Variants in FRMPD1 observed in about 807,000 individuals in gnomAD.
FRMPD1 encodes the protein FERM and PDZ domain-containing protein 1.
In FRMPD1, 76 loss-of-function variants were observed where a neutral mutation model predicts 117.8. That is an observed-to-expected ratio of 0.65 (90% CI 0.54 to 0.78). FRMPD1 has a LOEUF of 0.78. FRMPD1 is among the 30% of genes least tolerant of loss of function. The pLI is 0.00. For missense variants in FRMPD1, 1,786 were observed against 1,964.5 expected, an observed-to-expected ratio of 0.91 and a Z score of 1.72; for synonymous variants, 783 against 770.4, an observed-to-expected ratio of 1.02 and a Z score of -0.27.
intron 6 of FRMPD1, among the ~76,000 whole-genome samples, chr9:37,721,629 C>T (rs1017755170): frequency 3.3e-5 from 5 of 151,972 alleles, no homozygotes; most frequent in African/African-American, 1.2e-4. Flanking sequence ...TAAAAAATGA[C>T]CCAGAGATTG....
chr9:37,647,378 G>GGC, upstream of FRMPD1, among the ~76,000 whole-genome samples: 1 of 151,996 alleles, frequency 6.6e-6, no homozygotes, highest in African/African-American at 2.4e-5. Flanking sequence ...CGGGCGGGGT[G>GGC]GCGGGCACCT....
chr9:37,678,590 C>A (rs1359023767), intron 1 of FRMPD1, among the ~76,000 whole-genome samples: 1 of 152,068 alleles, frequency 6.6e-6, no homozygotes, highest in Non-Finnish European at 1.5e-5. Context: ...GTCTTAATTT[C>A]CTTTTTTGTT....
At chr9:37,610,922 G>A in the FRMPD1 span, among the ~76,000 whole-genome samples, 15 of 152,168 alleles carry the variant, frequency 9.9e-5, no homozygotes, top group African/African-American at 2.2e-4. Flanking sequence ...TTTAAACAAA[G>A]ATACATTGTA....
the FRMPD1 span, among the ~76,000 whole-genome samples, chr9:37,621,704 C>A: frequency 6.6e-6 from 1 of 152,120 alleles, no homozygotes; most frequent in African/African-American, 2.4e-5. Flanking sequence ...TTTGTTCAGG[C>A]AAAGAATGCT....
chr9:37,744,476 G>A lies in FRMPD1; in HGVS notation c.2444G>A (p.Cys815Tyr), dbSNP rs1324046330. 6.2e-7 allele frequency: 1 copy of A among 1,614,152 alleles called. No homozygotes were observed. The highest frequency in any genetic ancestry group is 2.2e-5 in the East Asian group (1 of 44,872). Reference protein sequence around the residue: ...STSSPENSLPCGPDGRQPSRR... With the variant: ...STSSPENSLPYGPDGRQPSRR... ...TCTAGCCCTGAGAACAGCCTGCCTT[G>A]TGGGCCAGATGGAAGACAGCCAAGC... is the stretch of plus-strand genomic sequence containing the variant. The change falls in exon 16 of 16, where the codon TGT becomes TAT. Residue 815 changes from cysteine to tyrosine, a missense_variant. Physicochemically the swap from Cys to Tyr is radical, Grantham distance 194. Coordinates refer to ENST00000377765, the MANE Select transcript of FRMPD1 (RefSeq NM_014907.3).
the FRMPD1 span, among the ~76,000 whole-genome samples, chr9:37,632,937 A>T: frequency 1.4e-5 from 2 of 147,486 alleles, no homozygotes; most frequent in Admixed American, 6.8e-5. Context: ...TTTTTCTTTT[A>T]TATATATAAA....
chr9:37,746,061 C>T lies in FRMPD1; in HGVS notation c.4029C>T (p.Cys1343=). ...QCSCQFSYAT[C]FRGPQPETEE... The stretch of plus-strand genomic sequence containing the variant: ...GCTGTCAGTTCTCCTATGCCACATG[C>T]TTCCGTGGCCCGCAGCCTGAGACAG... Residue 1343 remains cysteine (C), a synonymous_variant, in exon 16 of 16, where the codon TGC becomes TGT. Coordinates refer to ENST00000377765, the MANE Select transcript of FRMPD1 (RefSeq NM_014907.3). The T allele has an allele frequency of 6.2e-7, 1 of 1,614,192 alleles. No homozygotes were observed. The highest frequency in any genetic ancestry group is 8.5e-7 in the Non-Finnish European group (1 of 1,179,998).
chr9:37,638,014 TTCTTTCTTTCTC>T, the FRMPD1 span, among the ~76,000 whole-genome samples: 5 of 119,538 alleles, frequency 4.2e-5, 1 homozygote, highest in South Asian at 5.7e-4. Flanking sequence ...CTTTCTTTCT[TTCTTTCTTTCTC>T]TCTCTTTCTT....
chr9:37,714,754 C>T (rs1328555537), intron 5 of FRMPD1, among the ~76,000 whole-genome samples: 1 of 152,004 alleles, frequency 6.6e-6, no homozygotes, highest in African/African-American at 2.4e-5. Context: ...TCAAGCAATT[C>T]TCCCACCTCA....
chr9:37,742,353 T>C (rs896838418), intron 15 of FRMPD1, among the ~76,000 whole-genome samples: 2 of 152,244 alleles, frequency 1.3e-5, no homozygotes, highest in African/African-American at 4.8e-5. Context: ...TATGGGAGTC[T>C]AGTCAGGAAC....
At chr9:37,666,207 GTCT>G (rs941069068) in intron 1 of FRMPD1, among the ~76,000 whole-genome samples, 3 of 152,078 alleles carry the variant, frequency 2.0e-5, no homozygotes, top group African/African-American at 7.2e-5. Context: ...TTTTTTGGGT[GTCT>G]TCTTCACAGT....
intron 1 of FRMPD1, among the ~76,000 whole-genome samples, chr9:37,681,846 T>C (rs1408617080): frequency 6.6e-6 from 1 of 152,188 alleles, no homozygotes; most frequent in Non-Finnish European, 1.5e-5. Flanking sequence ...GAGTTTACAA[T>C]CTGAGGGACA....
chr9:37,685,238 T>C (rs1055590550), intron 1 of FRMPD1, among the ~76,000 whole-genome samples: 7 of 152,246 alleles, frequency 4.6e-5, no homozygotes, highest in African/African-American at 1.2e-4. Context: ...GATGATTCTT[T>C]AATCTTTGCA....
intron 1 of FRMPD1, among the ~76,000 whole-genome samples, chr9:37,689,415 T>G (rs1822056702): frequency 6.6e-6 from 1 of 152,170 alleles, no homozygotes; most frequent in Admixed American, 6.6e-5. Context: ...ATGTACTTAT[T>G]GCTAATTCTC....
At chr9:37,674,826 C>G (rs1588917219) in intron 1 of FRMPD1, among the ~76,000 whole-genome samples, 1 of 152,138 alleles carries the variant, frequency 6.6e-6, no homozygotes, top group Non-Finnish European at 1.5e-5. Flanking sequence ...ATTCAGTTGC[C>G]TCTCCCTGGG....
rs754644002 is a variant in FRMPD1, at chr9:37,746,761, G to T, written c.4729G>T (p.Ala1577Ser). The change falls in exon 16 of 16, where the codon GCC becomes TCC. Residue 1577 changes from alanine (A) to serine (S), a missense_variant. Ala to Ser is a moderately conservative substitution (Grantham distance 99, BLOSUM62 1). Transcript: ENST00000377765. ...CLTQKFRAST[A>S]L ...GACCCAGAAGTTCCGGGCATCCACGGCCCTGTAAACAGGTCAACGGCCCAA... is the reference window on the plus strand; with the variant it reads ...GACCCAGAAGTTCCGGGCATCCACGTCCCTGTAAACAGGTCAACGGCCCAA... The T allele has an allele frequency of 9.9e-6, 16 of 1,613,580 alleles. No homozygotes were observed. In the South Asian group the frequency reaches 1.3e-4, roughly 13 times the overall value.
chr9:37,638,325 G>A, the FRMPD1 span, among the ~76,000 whole-genome samples: 3 of 151,978 alleles, frequency 2.0e-5, no homozygotes, highest in Non-Finnish European at 2.9e-5. Context: ...TGCCCGCTTC[G>A]GCCTTCCAAA....
chr9:37,740,128 T>C lies in FRMPD1; in HGVS notation c.1600T>C (p.Cys534Arg). The C allele has an allele frequency of 6.2e-7, 1 of 1,613,704 alleles. No homozygotes were observed. Residue 534 changes from cysteine (C) to arginine (R), a missense_variant, in exon 15 of 16, where the codon TGC (cysteine) becomes CGC (arginine). Coordinates refer to ENST00000377765, the MANE Select transcript of FRMPD1 (RefSeq NM_014907.3). The surrounding 1 kb of genome is among the most constrained non-coding windows in gnomAD (Gnocchi z 4.2). ...CTCAGAGGAGTCCTCTGAGGTGGACTGCGTACTCGAACCTCTCTCTGACAG... is the reference window on the plus strand; with the variant it reads ...CTCAGAGGAGTCCTCTGAGGTGGACCGCGTACTCGAACCTCTCTCTGACAG... ...SDSEESSEVD[C>R]VLEPLSDRRL...
At chr9:37,708,259 G>A (rs1822782926) in intron 3 of FRMPD1, 140 bp from the exon 4 acceptor site, 4 of 636,650 alleles carry the variant, frequency 6.3e-6, no homozygotes, top group South Asian at 5.7e-5. Context: ...ATCCACATGA[G>A]CCCAAGCCTG....
Sources: gnomAD v4.1 joint callset for allele counts (sites outside exome capture counted in the v4.1 genomes callset) on GRCh38, gnomAD v4.1.1 for gene constraint, Gnocchi (gnomAD v3.1) non-coding constraint, MANE v1.5 for transcripts, NCBI Gene and HGNC (gene_info 2026-07-23, HGNC 2026-07-21) for gene names.